The following CCSER1 variants were observed in gnomAD, a reference collection of about 807,000 sequenced individuals.
The protein encoded by CCSER1 is serine-rich coiled-coil domain-containing protein 1.
A neutral mutation model predicts 82.0 loss-of-function variants in CCSER1; 41 were observed. The observed-to-expected ratio is 0.50, with a 90% CI of 0.39 to 0.65. The LOEUF is 0.65. Ranked by LOEUF, CCSER1 falls within the 30% of genes least tolerant of loss-of-function variation. The probability of loss-of-function intolerance (pLI) is 0.00; values close to 1 mark genes in which losing one functional copy is unlikely to be tolerated. For missense variants in CCSER1, 1,119 were observed against 1,064.2 expected (o/e 1.05, Z -0.72); for synonymous variants, 414 against 383.9 (o/e 1.08, Z -0.92).
At chr4:90,755,803 A>T (rs62312997) in intron 7 of CCSER1, among the ~76,000 whole-genome samples, 8,661 of 152,304 alleles carry the variant, frequency 0.057, 350 homozygotes, top group Admixed American at 0.11. Context: ...GAAGTTAAGC[A>T]CAGGGAAATA....
chr4:90,992,382 G>A (rs998794643), intron 9 of CCSER1, among the ~76,000 whole-genome samples: 4 of 151,994 alleles, frequency 2.6e-5, no homozygotes, highest in African/African-American at 9.7e-5. Context: ...TCTTTGTAAT[G>A]TAACTCTCAT....
chr4:90,236,818 A>C (rs531312532), intron 1 of CCSER1, among the ~76,000 whole-genome samples: 3 of 152,242 alleles, frequency 2.0e-5, no homozygotes, highest in African/African-American at 7.2e-5. Context: ...TAAAGTTATC[A>C]TAACATGTTA....
At chr4:90,977,319 T>G (rs2150412261) in intron 9 of CCSER1, among the ~76,000 whole-genome samples, 1 of 151,664 alleles carries the variant, frequency 6.6e-6, no homozygotes, top group East Asian at 1.9e-4. Context: ...TTTAAGCCAT[T>G]GACTAATTAT....
chr4:90,866,625 G>A (rs942529510), intron 8 of CCSER1, among the ~76,000 whole-genome samples: 7 of 152,046 alleles, frequency 4.6e-5, no homozygotes, highest in Admixed American at 1.3e-4. Context: ...GCAAGGCTAT[G>A]GATATGAAAT....
intron 1 of CCSER1, among the ~76,000 whole-genome samples, chr4:90,146,872 A>G (rs1287516385): frequency 6.6e-6 from 1 of 152,066 alleles, no homozygotes; most frequent in Non-Finnish European, 1.5e-5. Flanking sequence ...TAACCACATG[A>G]ATTATTTCCC....
intron 5 of CCSER1, among the ~76,000 whole-genome samples, chr4:90,470,424 T>C (rs1764203745): frequency 6.6e-6 from 1 of 152,128 alleles, no homozygotes; most frequent in African/African-American, 2.4e-5. Context: ...GCAAGCACAG[T>C]GATTAACTCA....
At chr4:90,626,603 C>A (rs372543756) in intron 5 of CCSER1, among the ~76,000 whole-genome samples, 1 of 152,044 alleles carries the variant, frequency 6.6e-6, no homozygotes, top group African/African-American at 2.4e-5. Context: ...TGCTTGTTTT[C>A]CACACAAAAT....
intron 9 of CCSER1, among the ~76,000 whole-genome samples, chr4:91,026,029 A>G (rs1237453124): frequency 6.6e-6 from 1 of 152,096 alleles, no homozygotes; most frequent in Admixed American, 6.6e-5. Flanking sequence ...TTGACTTTCC[A>G]CTGGTTTACT....
At chr4:90,670,808 A>T (rs1732657317) in intron 6 of CCSER1, among the ~76,000 whole-genome samples, 1 of 152,088 alleles carries the variant, frequency 6.6e-6, no homozygotes, top group Non-Finnish European at 1.5e-5. Context: ...TTTAAAAAAA[A>T]TACATGCCCT....
chr4:90,588,489 T>A (rs143206740), intron 5 of CCSER1, among the ~76,000 whole-genome samples: 1 of 152,204 alleles, frequency 6.6e-6, no homozygotes. Flanking sequence ...AGTTACTTCT[T>A]TAGGCTCCAC....
At chr4:90,875,991 C>G (rs550725095) in intron 8 of CCSER1, among the ~76,000 whole-genome samples, 1 of 152,252 alleles carries the variant, frequency 6.6e-6, no homozygotes, top group Non-Finnish European at 1.5e-5. Flanking sequence ...TTTTAAAAAT[C>G]ATGAATAGGG....
At chr4:90,311,147 A>T (rs1290829376) in intron 2 of CCSER1, among the ~76,000 whole-genome samples, 1 of 152,152 alleles carries the variant, frequency 6.6e-6, no homozygotes, top group Non-Finnish European at 1.5e-5. Context: ...AATTTATAAT[A>T]AGTTAAATAA....
At chr4:90,842,379 G>T (rs1673814024) in intron 8 of CCSER1, among the ~76,000 whole-genome samples, 1 of 152,148 alleles carries the variant, frequency 6.6e-6, no homozygotes. Flanking sequence ...GTTGAAATTT[G>T]ATAGAACTTC....
chr4:91,343,108 T>G (rs1747825101), intron 10 of CCSER1, among the ~76,000 whole-genome samples: 1 of 152,124 alleles, frequency 6.6e-6, no homozygotes, highest in African/African-American at 2.4e-5. Flanking sequence ...AAATATTTAC[T>G]GTTGCCTACA....
At chr4:90,550,349 GT>G (rs1560703566) in intron 5 of CCSER1, among the ~76,000 whole-genome samples, 1 of 152,002 alleles carries the variant, frequency 6.6e-6, no homozygotes, top group East Asian at 1.9e-4. Context: ...AATAACTTAG[GT>G]ACTTGACTTT....
rs1560716694 is a variant in CCSER1, at chr4:91,496,686, T to TATATATATTGA, written c.2218-101877_2218-101876insGAATATATATT. Among the ~76,000 whole-genome samples, 2 of 16,044 alleles carry TATATATATTGA rather than the reference T, an allele frequency of 1.2e-4. 1 individual carries two copies. Among genetic ancestry groups the TATATATATTGA allele is most frequent in the East Asian group, 0.022 (2 of 92 alleles). 10.5% of individuals were successfully genotyped at this position (16,044 alleles called of 152,430 possible). Reference sequence around the variant, plus strand: ...TATATATATTCAATATATTTGAATATATATATATTCAATATATATATATAT... The same window carrying TATATATATTGA: ...TATATATATTCAATATATTTGAATATATATATATTGAATATATATTCAATATATATATATAT... On this transcript the variant is annotated intron_variant, in intron 10 of 10. Coordinates refer to ENST00000509176, the MANE Select transcript of CCSER1 (RefSeq NM_001145065.2).
intron 5 of CCSER1, among the ~76,000 whole-genome samples, chr4:90,552,347 A>C (rs568444736): frequency 2.0e-5 from 3 of 152,254 alleles, no homozygotes; most frequent in Non-Finnish European, 4.4e-5. Flanking sequence ...TTCCAACACA[A>C]ACATTCATAA....
intron 8 of CCSER1, among the ~76,000 whole-genome samples, chr4:90,820,754 T>C (rs1384261988): frequency 1.3e-5 from 2 of 151,122 alleles, no homozygotes; most frequent in African/African-American, 4.9e-5. Flanking sequence ...TATATTTTTA[T>C]AGCTATGTTG....
intron 10 of CCSER1, among the ~76,000 whole-genome samples, chr4:91,094,424 G>A (rs1284989149): frequency 2.0e-5 from 3 of 152,144 alleles, no homozygotes; most frequent in South Asian, 4.1e-4. Flanking sequence ...TCCTAACAGT[G>A]TGTAAGGGTT....
Sources: gnomAD v4.1 joint callset for allele counts (sites outside exome capture counted in the v4.1 genomes callset) on GRCh38, gnomAD v4.1.1 for gene constraint, MANE v1.5 for transcripts, NCBI Gene and HGNC (gene_info 2026-07-23, HGNC 2026-07-21) for gene names.